The following PRICKLE1 variants were observed in gnomAD, a reference collection of about 807,000 sequenced individuals.
The protein encoded by PRICKLE1 is prickle planar cell polarity protein 1.
PRICKLE1 carries 14 observed loss-of-function variants against 70.2 expected under a neutral mutation model. The ratio of observed to expected loss-of-function variants is 0.20; its 90% CI spans 0.13 to 0.31. The LOEUF (loss-of-function observed/expected upper bound fraction) is 0.31. Among genes scored for constraint, PRICKLE1 ranks in the 10% least tolerant of loss-of-function variants. The probability of loss-of-function intolerance (pLI) is 1.00; values close to 1 mark genes in which losing one functional copy is unlikely to be tolerated. For synonymous variants in PRICKLE1, 357 were observed against 379.9 expected, an observed-to-expected ratio of 0.94 and a Z score of 0.70; for missense variants, 821 against 1,026.2, an observed-to-expected ratio of 0.80 and a Z score of 2.73.
At chr12:42,537,374 A>G (rs1940032890) in intron 1 of PRICKLE1, among the ~76,000 whole-genome samples, 1 of 152,106 alleles carries the variant, frequency 6.6e-6, no homozygotes, top group Admixed American at 6.6e-5. Context: ...CATGTTGCCC[A>G]GGCTGGTCTC....
intron 1 of PRICKLE1, among the ~76,000 whole-genome samples, chr12:42,545,720 T>A (rs926174059): frequency 6.6e-6 from 1 of 152,002 alleles, no homozygotes. Flanking sequence ...CATGGTGGCA[T>A]GTGCCTGTAA....
At chr12:42,584,015 T>C (rs1055206457) in intron 1 of PRICKLE1, among the ~76,000 whole-genome samples, 1 of 152,180 alleles carries the variant, frequency 6.6e-6, no homozygotes, top group Non-Finnish European at 1.5e-5. Flanking sequence ...CTAGTAGCTA[T>C]TAAAAGATTT....
intron 1 of PRICKLE1, among the ~76,000 whole-genome samples, chr12:42,581,573 C>T (rs750804054): frequency 5.7e-4 from 86 of 151,812 alleles, no homozygotes; most frequent in Non-Finnish European, 1.1e-3. Context: ...ATGGTGAAAC[C>T]CCGTCTCCAC....
rs139988285 is a variant in PRICKLE1 at position 42,477,482 on chromosome 12, GTATATATATATATATATATA to G, written c.-48-4938_-48-4919del. On this transcript the variant is annotated intron_variant, in intron 1 of 7. Coordinates refer to ENST00000345127, the MANE Select transcript of PRICKLE1 (RefSeq NM_153026.3). ...CGTATATATGTGTGTGTGTGTGTGTGTATATATATATATATATATATATATATATATATATATATATATAT... is the reference window on the plus strand; with the variant it reads ...CGTATATATGTGTGTGTGTGTGTGTGTATATATATATATATATATATATAT... 9.5e-3 allele frequency among the ~76,000 whole-genome samples: 1,106 copies of G among 116,394 alleles called. 28 individuals are homozygous for G. Among genetic ancestry groups the G allele is most frequent in the Non-Finnish European group, 0.014 (756 of 55,228 alleles). 76.4% of individuals were successfully genotyped at this position (116,394 alleles called of 152,430 possible). A position where few individuals can be genotyped will look rare whatever the true frequency, so the allele number is the denominator to read the frequency against.
At chr12:42,493,607 A>T (rs920184753) in intron 1 of PRICKLE1, among the ~76,000 whole-genome samples, 1 of 152,242 alleles carries the variant, frequency 6.6e-6, no homozygotes, top group African/African-American at 2.4e-5. Context: ...TGAGTAAACT[A>T]GAAACCCAGT....
chr12:42,479,444 T>A (rs1938707607), intron 1 of PRICKLE1, among the ~76,000 whole-genome samples: 1 of 152,246 alleles, frequency 6.6e-6, no homozygotes, highest in Non-Finnish European at 1.5e-5. Context: ...CTATGGAGCA[T>A]GACAGTTTTT....
chr12:42,532,490 A>C (rs1939936327), intron 1 of PRICKLE1, among the ~76,000 whole-genome samples: 1 of 152,264 alleles, frequency 6.6e-6, no homozygotes, highest in Non-Finnish European at 1.5e-5. Context: ...AGTAAAAAGT[A>C]ACGAGTGAAA....
At chr12:42,529,331 T>C (rs1004138703) in intron 1 of PRICKLE1, among the ~76,000 whole-genome samples, 2 of 152,362 alleles carry the variant, frequency 1.3e-5, no homozygotes, top group Admixed American at 1.3e-4. Flanking sequence ...TAAACTAAGC[T>C]ATTAATTATG....
Position 42,497,634 on chromosome 12 carries a change from T to A in PRICKLE1, c.-48-25070A>T, listed in dbSNP as rs907626557. ...CCCCAAAACAATTAAAATAGTAACATCAAAGGTCACTGATCACAGATCACT... is the reference window on the plus strand; with the variant it reads ...CCCCAAAACAATTAAAATAGTAACAACAAAGGTCACTGATCACAGATCACT... On this transcript the variant is annotated intron_variant, in intron 1 of 7. Transcript: ENST00000345127. Among the ~76,000 whole-genome samples, 43 of 151,504 alleles carry A rather than the reference T, an allele frequency of 2.8e-4. 1 individual carries two copies. The highest frequency in any genetic ancestry group is 5.7e-4 in the Non-Finnish European group (39 of 67,856).
chr12:42,520,239 G>A lies in PRICKLE1; in HGVS notation c.-48-47675C>T, dbSNP rs115179549. ...ATGTAATCTCCACTGGAGAACAGGT[G>A]AGTCCCTAATACACACTGCGACTAA... On this transcript the variant is annotated intron_variant, in intron 1 of 7. Coordinates refer to ENST00000345127, the MANE Select transcript of PRICKLE1 (RefSeq NM_153026.3). Among the ~76,000 whole-genome samples the A allele has an allele frequency of 2.8e-3, 431 of 152,306 alleles. 4 individuals carry two copies. Among genetic ancestry groups the A allele is most frequent in the African/African-American group, 9.1e-3 (379 of 41,562 alleles).
intron 1 of PRICKLE1, among the ~76,000 whole-genome samples, chr12:42,562,441 T>A (rs912485867): frequency 6.6e-6 from 1 of 152,010 alleles, no homozygotes; most frequent in Non-Finnish European, 1.5e-5. Context: ...ATATTAGAAC[T>A]AAAGGAAGGT....
chr12:42,514,893 C>CTATCTAT (rs759153864), intron 1 of PRICKLE1, among the ~76,000 whole-genome samples: 2 of 77,932 alleles, frequency 2.6e-5, no homozygotes, highest in Non-Finnish European at 5.9e-5. Context: ...CTCGCTCTAT[C>CTATCTAT]TATCTATCTA....
chr12:42,579,718 T>A (rs1940866467), intron 1 of PRICKLE1, among the ~76,000 whole-genome samples: 1 of 152,180 alleles, frequency 6.6e-6, no homozygotes, highest in African/African-American at 2.4e-5. Flanking sequence ...GTTAGCCAGG[T>A]TTCAGAATAG....
rs1937634950 is a variant in PRICKLE1, at chr12:42,457,638, A to G, written c.*2171T>C. The G allele has an allele frequency of 6.6e-6, 1 of 152,244 alleles. No individual in the cohort carries two copies. Among genetic ancestry groups the G allele is most frequent in the Non-Finnish European group, 1.5e-5 (1 of 68,048 alleles). 9.4% of individuals were successfully genotyped at this position (152,244 alleles called of 1,614,324 possible). A position where few individuals can be genotyped will look rare whatever the true frequency, so the allele number is the denominator to read the frequency against. ...TGTGCACATGTGCCAGTGTAGCATA[A>G]TGTATGAGGAAAGTCAACTCCATCA... On this transcript the variant is annotated 3_prime_UTR_variant, in exon 8 of 8. Coordinates refer to ENST00000345127, the MANE Select transcript of PRICKLE1 (RefSeq NM_153026.3).
chr12:42,489,565 C>T (rs976174119), intron 1 of PRICKLE1, among the ~76,000 whole-genome samples: 1 of 137,654 alleles, frequency 7.3e-6, no homozygotes, highest in Non-Finnish European at 1.5e-5. Context: ...GAGGCAGAGG[C>T]AGGAGAATGG....
intron 1 of PRICKLE1, among the ~76,000 whole-genome samples, chr12:42,554,529 G>C (rs1251655325): frequency 6.6e-6 from 1 of 152,156 alleles, no homozygotes; most frequent in Non-Finnish European, 1.5e-5. Context: ...TCCAAAGGTG[G>C]GAGATGACTT....
intron 1 of PRICKLE1, among the ~76,000 whole-genome samples, chr12:42,480,431 C>G (rs943731168): frequency 1.3e-5 from 2 of 152,214 alleles, no homozygotes; most frequent in Non-Finnish European, 2.9e-5. Flanking sequence ...AAAAAAAAAT[C>G]TATGTAGTAA....
intron 7 of PRICKLE1, among the ~76,000 whole-genome samples, chr12:42,462,210 A>T (rs1937873023): frequency 6.8e-6 from 1 of 147,372 alleles, no homozygotes; most frequent in African/African-American, 2.5e-5. Flanking sequence ...TCTTTTATTT[A>T]TTTTTTTTGA....
intron 1 of PRICKLE1, among the ~76,000 whole-genome samples, chr12:42,495,419 G>GAGA (rs1257987633): frequency 6.9e-6 from 1 of 145,972 alleles, no homozygotes; most frequent in African/African-American, 2.6e-5. Flanking sequence ...AGAGAGAGAG[G>GAGA]TGTTGCGTCA....
Sources: allele counts gnomAD v4.1 joint callset (sites outside exome capture counted in the v4.1 genomes callset), GRCh38; gene constraint gnomAD v4.1.1; transcripts MANE v1.5; gene names NCBI Gene and HGNC (gene_info 2026-07-23, HGNC 2026-07-21).